ZNF280C: variants seen among roughly 807,000 people sequenced by gnomAD.
The protein encoded by ZNF280C is suppressor of hairy wing homolog 3.
A neutral mutation model predicts 53.6 loss-of-function variants in ZNF280C; 14 were observed. The observed-to-expected ratio is 0.26, with a 90% CI of 0.17 to 0.41. The LOEUF (loss-of-function observed/expected upper bound fraction) is 0.41, where lower values mean the gene tolerates loss of function less well. Among genes scored for constraint, ZNF280C ranks in the 10% least tolerant of loss-of-function variants. The probability of loss-of-function intolerance (pLI) is 1.00; values close to 1 mark genes in which losing one functional copy is unlikely to be tolerated. For synonymous variants in ZNF280C, 203 were observed against 181.1 expected (o/e 1.12, Z -0.97); for missense variants, 416 against 547.1 (o/e 0.76, Z 2.39).
intron 1 of ZNF280C, among the ~76,000 whole-genome samples, chrX:130,267,100 CAA>C (rs759589465): frequency 2.3e-4 from 11 of 48,803 alleles, no homozygotes; most frequent in Admixed American, 2.3e-4. Flanking sequence ...GACTCCGTCT[CAA>C]AAAAAAAAAA....
At chrX:130,260,590 A>G in intron 1 of ZNF280C, 125 bp from the exon 2 acceptor site, 1 of 385,305 alleles carries the variant, frequency 2.6e-6, no homozygotes. Flanking sequence ...CACTCACCAT[A>G]TGACTCCAGA....
intron 15 of ZNF280C, among the ~76,000 whole-genome samples, chrX:130,214,821 A>G (rs1328003806): frequency 2.7e-5 from 3 of 112,076 alleles, no homozygotes; most frequent in Non-Finnish European, 5.6e-5. Context: ...AGTTGGTTGA[A>G]TCCACAGATG....
intron 5 of ZNF280C, among the ~76,000 whole-genome samples, chrX:130,243,232 G>T (rs986760843): frequency 9.0e-6 from 1 of 111,658 alleles, no homozygotes; most frequent in Middle Eastern, 4.6e-3. Context: ...ACCCAGGCTG[G>T]AATGCAGTGG....
In ZNF280C at chrX:130,222,675, G is replaced by GT. The variant is rs199658965; in HGVS notation, c.1396-2196dup. Among the ~76,000 whole-genome samples, 892 of 111,440 alleles carry GT rather than the reference G, an allele frequency of 8.0e-3. 10 individuals are homozygous for GT. The highest frequency in any genetic ancestry group is 0.027 in the African/African-American group (840 of 30,712). On this transcript the variant is annotated intron_variant, in intron 12 of 18. Coordinates refer to ENST00000370978, the MANE Select transcript of ZNF280C (RefSeq NM_017666.5). ...ATGATCACAGATGATACTTTTTTTT[G>GT]TTTTTTGAGATACAGTTTTGCTTTT...
chrX:130,205,260 A>G, intron 17 of ZNF280C, 37 bp downstream of exon 17: 2 of 1,132,732 alleles, frequency 1.8e-6, no homozygotes, highest in South Asian at 3.8e-5. Flanking sequence ...TGAAATAAAT[A>G]TCAGAAAATC....
chrX:130,213,975 T>C (rs1294094362), intron 15 of ZNF280C, among the ~76,000 whole-genome samples: 2 of 111,839 alleles, frequency 1.8e-5, no homozygotes, highest in Admixed American at 9.5e-5. Flanking sequence ...ATTTCTTTTT[T>C]AAAAAATAGA....
intron 2 of ZNF280C, among the ~76,000 whole-genome samples, chrX:130,258,027 A>G (rs1167079495): frequency 8.9e-6 from 1 of 111,839 alleles, no homozygotes; most frequent in Admixed American, 9.5e-5. Flanking sequence ...CTGAGGCAGG[A>G]GAATCACTTG....
At chrX:130,214,686 C>T (rs769559514) in intron 15 of ZNF280C, among the ~76,000 whole-genome samples, 1 of 111,450 alleles carries the variant, frequency 9.0e-6, no homozygotes, top group South Asian at 3.8e-4. Context: ...ATTTGTGAAC[C>T]TATGATACCT....
intron 14 of ZNF280C, 87 bp downstream of exon 14, chrX:130,215,704 T>G (rs1389429297): frequency 1.1e-6 from 1 of 907,260 alleles, no homozygotes; most frequent in Non-Finnish European, 1.5e-6. Flanking sequence ...GTGATTATCA[T>G]GTAAATGTGT....
At chrX:130,265,282 T>C (rs1025471455) in intron 1 of ZNF280C, among the ~76,000 whole-genome samples, 17 of 112,062 alleles carry the variant, frequency 1.5e-4, no homozygotes, top group Admixed American at 1.4e-3. Flanking sequence ...TTTTAAAACA[T>C]TTTATGTCAG....
Position 130,208,638 on chromosome X carries a change from C to G in ZNF280C, c.2042+1015G>C, listed in dbSNP as rs766691523. On this transcript the variant is annotated intron_variant, in intron 16 of 18. Transcript: ENST00000370978. Reference sequence around the variant, plus strand: ...TATAAGCATTTTTCAGTAAAGGTAACACCTAATATATTTTACTCTTTTCTA... The same window carrying G: ...TATAAGCATTTTTCAGTAAAGGTAAGACCTAATATATTTTACTCTTTTCTA... Among the ~76,000 whole-genome samples, 32 of 111,250 alleles carry G rather than the reference C, an allele frequency of 2.9e-4. No individual in the cohort carries two copies. The East Asian group carries it at 5.9e-3, about 20-fold the overall frequency.
rs745575388 is a variant in ZNF280C at position 130,250,427 on chromosome X, A to AAT, written c.32-3424_32-3423dup. Among the ~76,000 whole-genome samples, 4 of 112,065 alleles carry AAT rather than the reference A, an allele frequency of 3.6e-5. No individual in the cohort carries two copies. The East Asian group carries it at 1.1e-3, about 31-fold the overall frequency. On this transcript the variant is annotated intron_variant, in intron 2 of 18. Coordinates refer to ENST00000370978, the MANE Select transcript of ZNF280C (RefSeq NM_017666.5). ...GAAGAGAGAAGATCCAAATAAACACAATAAGAAACAACAAAGGAGATACAA... is the reference window on the plus strand; with the variant it reads ...GAAGAGAGAAGATCCAAATAAACACAATATAAGAAACAACAAAGGAGATACAA...
At chrX:130,266,439 G>A (rs1248858391) in intron 1 of ZNF280C, among the ~76,000 whole-genome samples, 1 of 111,709 alleles carries the variant, frequency 9.0e-6, no homozygotes, top group East Asian at 2.8e-4. Context: ...ACTACAAGGT[G>A]ACCACAGCTA....
chrX:130,246,543 A>G (rs1034871430), intron 3 of ZNF280C, among the ~76,000 whole-genome samples: 6 of 112,497 alleles, frequency 5.3e-5, no homozygotes, highest in Admixed American at 1.9e-4. Flanking sequence ...TAACAAATAA[A>G]TAGGCTACTT....
chrX:130,226,883 G>A lies in ZNF280C; in HGVS notation c.1271C>T (p.Thr424Ile), dbSNP rs370269078. ...VCQVCQFRSSTFSDVEAHFRA... is the reference protein window; with the variant it reads ...VCQVCQFRSSIFSDVEAHFRA... ...AAAATGAGCTTCTACATCAGAAAAT[G>A]TTGATGATCTAAACTGGCAAACCTA... Residue 424 changes from threonine (T) to isoleucine (I), a missense_variant, in exon 12 of 19, where the codon ACA (threonine) becomes ATA (isoleucine). Physicochemically the swap from Thr to Ile is moderately conservative, Grantham distance 89. This residue lies in a region of ZNF280C where 72 missense variants were observed against 168.8 expected (regional missense o/e 0.43). Transcript: ENST00000370978. 3 of 1,204,469 alleles carry A rather than the reference G, an allele frequency of 2.5e-6. No individual in the cohort carries two copies. Among genetic ancestry groups the A allele is most frequent in the Non-Finnish European group, 3.4e-6 (3 of 892,725 alleles).
Position 130,248,073 on chromosome X carries a change from A to G in ZNF280C, c.32-1068T>C, listed in dbSNP as rs1204063786. Among the ~76,000 whole-genome samples the G allele has an allele frequency of 3.0e-5, 3 of 101,549 alleles. No individual in the cohort carries two copies. The East Asian group carries it at 9.2e-4, about 31-fold the overall frequency. The allele number at this position is 101,549 out of a possible 115,157, so 88.2% of individuals were successfully genotyped here. On this transcript the variant is annotated intron_variant, in intron 2 of 18. Coordinates refer to ENST00000370978, the MANE Select transcript of ZNF280C (RefSeq NM_017666.5). ...TTCAATGTGAAACACCAAAGCAATA[A>G]AACAGATTAAAGGATTTTAAAGAAA...
At position 130,215,244 on chromosome X, in the gene ZNF280C, A is replaced by G; in HGVS notation, c.1928T>C (p.Phe643Ser). Reference sequence around the variant, plus strand: ...GTTACAGTTAGTATTGTACTTGCAAAAACTGCAGTGGATGTATATAGAAAA... The same window carrying G: ...GTTACAGTTAGTATTGTACTTGCAAGAACTGCAGTGGATGTATATAGAAAA... ...SHFSIYIHCS[F>S]CKYNTNCNKA... Residue 643 changes from phenylalanine to serine, a missense_variant, in exon 15 of 19, where the codon TTT becomes TCT. By Grantham distance (155) the Phe-to-Ser change is radical. Transcript: ENST00000370978. 8.3e-7 allele frequency: 1 copy of G among 1,205,794 alleles called. No individual in the cohort carries two copies. The highest frequency in any genetic ancestry group is 1.1e-6 in the Non-Finnish European group (1 of 892,231).
intron 12 of ZNF280C, among the ~76,000 whole-genome samples, chrX:130,222,206 C>T (rs1341868251): frequency 9.3e-6 from 1 of 107,664 alleles, no homozygotes; most frequent in African/African-American, 3.4e-5. Context: ...TGAGCCCTGG[C>T]ACTCTCTATC....
intron 13 of ZNF280C, among the ~76,000 whole-genome samples, chrX:130,218,375 C>A (rs186067066): frequency 8.9e-6 from 1 of 111,759 alleles, no homozygotes; most frequent in East Asian, 2.8e-4. Flanking sequence ...TATATCAATT[C>A]ATCACACAGC....
Sources: gnomAD v4.1 joint callset for allele counts (sites outside exome capture counted in the v4.1 genomes callset) on GRCh38, gnomAD v4.1.1 for gene constraint, gnomAD v4.1.1 regional missense constraint, MANE v1.5 for transcripts, NCBI Gene and HGNC (gene_info 2026-07-23, HGNC 2026-07-21) for gene names.